Variants in CACNA1C observed in about 807,000 individuals in gnomAD.
The protein encoded by CACNA1C is calcium voltage-gated channel subunit alpha1 C, also known as voltage-dependent L-type calcium channel subunit alpha-1C.
A neutral mutation model predicts 229.0 loss-of-function variants in CACNA1C; 30 were observed. The ratio of observed to expected loss-of-function variants is 0.13; its 90% confidence interval spans 0.10 to 0.18. The LOEUF (loss-of-function observed/expected upper bound fraction) is 0.18, where lower values mean the gene tolerates loss of function less well. CACNA1C is among the 10% of genes least tolerant of loss of function. The pLI is 1.00. For synonymous variants in CACNA1C, 1,114 were observed against 1,132.5 expected (o/e 0.98, Z 0.33); for missense variants, 1,658 against 2,845.0 (o/e 0.58, Z 9.49).
At chr12:2,106,922 T>G (rs2079095098) in intron 1 of CACNA1C, among the ~76,000 whole-genome samples, 1 of 62,632 alleles carries the variant, frequency 1.6e-5, no homozygotes, top group African/African-American at 5.2e-5. Flanking sequence ...CCGGGGAGGG[T>G]TTCCACCTCA....
chr12:2,061,197 T>C (rs1172193397), intron 1 of CACNA1C, among the ~76,000 whole-genome samples: 1 of 151,638 alleles, frequency 6.6e-6, no homozygotes, highest in Non-Finnish European at 1.5e-5. Context: ...AGGGCAGCTG[T>C]GAGGATCCAA....
At chr12:2,536,162 A>G (rs2099854587) in intron 9 of CACNA1C, among the ~76,000 whole-genome samples, 1 of 152,236 alleles carries the variant, frequency 6.6e-6, no homozygotes, top group African/African-American at 2.4e-5. Flanking sequence ...CTTGCAGGAA[A>G]TCTGACCTGC....
chr12:2,317,645 A>G (rs892163872), intron 3 of CACNA1C, among the ~76,000 whole-genome samples: 1 of 152,210 alleles, frequency 6.6e-6, no homozygotes. Context: ...ATTTTAATGT[A>G]TTTTCCCACA....
At position 2,693,013 on chromosome 12, in the gene CACNA1C, G is replaced by A. The variant is rs1020866813; in HGVS notation, c.*1814G>A. On this transcript the variant is annotated 3_prime_UTR_variant, in exon 47 of 47. Transcript: ENST00000399655. ...ACAAGTTTTCTTTAGTTTGCACAATGAGCAAAGGTATCACCAGTGTAGTCA... is the reference window on the plus strand; with the variant it reads ...ACAAGTTTTCTTTAGTTTGCACAATAAGCAAAGGTATCACCAGTGTAGTCA... 1 of 152,630 alleles carries A rather than the reference G, an allele frequency of 6.6e-6. No individual in the cohort carries two copies. Among genetic ancestry groups the A allele is most frequent in the Non-Finnish European group, 1.5e-5 (1 of 68,034 alleles). The allele number at this position is 152,630 out of a possible 1,614,324, so 9.5% of individuals were successfully genotyped here.
At chr12:1,986,569 C>T (rs114711070) in intron 1 of CACNA1C, among the ~76,000 whole-genome samples, 3,162 of 152,260 alleles carry the variant, frequency 0.021, 102 homozygotes, top group African/African-American at 0.072. Context: ...TCAGCTTTCC[C>T]TGCAACTGGC....
intron 3 of CACNA1C, among the ~76,000 whole-genome samples, chr12:2,363,539 G>C (rs1001507974): frequency 6.6e-6 from 1 of 152,132 alleles, no homozygotes; most frequent in Non-Finnish European, 1.5e-5. Flanking sequence ...TCCTTCCCCA[G>C]TTTGCTGGGG....
At chr12:1,977,029 G>C (rs1476407027) in intron 1 of CACNA1C, among the ~76,000 whole-genome samples, 1 of 152,148 alleles carries the variant, frequency 6.6e-6, no homozygotes, top group Non-Finnish European at 1.5e-5. Flanking sequence ...ACAACCCTCA[G>C]TTATCTCTGG....
At chr12:2,307,948 A>G (rs150363437) in intron 3 of CACNA1C, among the ~76,000 whole-genome samples, 125 of 152,332 alleles carry the variant, frequency 8.2e-4, no homozygotes, top group Middle Eastern at 3.4e-3. Flanking sequence ...CCCAGAGATT[A>G]TGATTTAGGA....
chr12:2,667,296 T>C (rs1041563172), intron 37 of CACNA1C, among the ~76,000 whole-genome samples: 9 of 151,812 alleles, frequency 5.9e-5, no homozygotes, highest in African/African-American at 2.2e-4. Flanking sequence ...GCTCCTTTTC[T>C]CCCTCCTCTC....
chr12:2,380,109 G>A (rs2098198616), intron 3 of CACNA1C, among the ~76,000 whole-genome samples: 1 of 151,946 alleles, frequency 6.6e-6, no homozygotes, highest in Non-Finnish European at 1.5e-5. Context: ...CCACGTGATG[G>A]TCAAGTCAGC....
chr12:2,028,325 A>C (rs1192999329), intron 1 of CACNA1C, among the ~76,000 whole-genome samples: 1 of 152,166 alleles, frequency 6.6e-6, no homozygotes, highest in Admixed American at 6.5e-5. Flanking sequence ...TTTCTAAGTG[A>C]GGCTTAATCT....
intron 11 of CACNA1C, among the ~76,000 whole-genome samples, chr12:2,557,935 G>A (rs527934226): frequency 6.6e-6 from 1 of 152,326 alleles, no homozygotes; most frequent in African/African-American, 2.4e-5. Flanking sequence ...GATGTGTGCA[G>A]GGAGAATGTG....
chr12:2,573,529 A>G (rs547612642), intron 13 of CACNA1C, among the ~76,000 whole-genome samples: 1 of 152,368 alleles, frequency 6.6e-6, no homozygotes, highest in African/African-American at 2.4e-5. Flanking sequence ...GTTTATTCAG[A>G]GTAGTATAAT....
At chr12:2,418,746 T>C (rs1026736449) in intron 3 of CACNA1C, among the ~76,000 whole-genome samples, 1 of 152,100 alleles carries the variant, frequency 6.6e-6, no homozygotes, top group Non-Finnish European at 1.5e-5. Context: ...CCTGGACAAC[T>C]GGCCAGTGGA....
intron 3 of CACNA1C, among the ~76,000 whole-genome samples, chr12:2,194,791 G>GTCAC (rs1414695069): frequency 3.3e-5 from 5 of 152,284 alleles, no homozygotes; most frequent in African/African-American, 4.8e-5. Context: ...GAGGGGAGGA[G>GTCAC]TCACTGGGTT....
rs1020353782 is a variant in CACNA1C at position 2,099,661 on chromosome 12, A to G, written c.50-15563A>G. Reference sequence around the variant, plus strand: ...ACAGAATTTTGGAAAATTAATCACAAAAATACCTAGTACCATTTATTATAT... The same window carrying G: ...ACAGAATTTTGGAAAATTAATCACAGAAATACCTAGTACCATTTATTATAT... On this transcript the variant is annotated intron_variant, in intron 1 of 46. Transcript: ENST00000399655. Among the ~76,000 whole-genome samples, 9 of 152,344 alleles carry G rather than the reference A, an allele frequency of 5.9e-5. No homozygotes were observed. In the East Asian group the frequency reaches 1.5e-3, roughly 26 times the overall value.
intron 13 of CACNA1C, among the ~76,000 whole-genome samples, chr12:2,579,332 A>G (rs1045337566): frequency 6.6e-6 from 1 of 152,198 alleles, no homozygotes; most frequent in African/African-American, 2.4e-5. Context: ...TTGTGACTTC[A>G]GTGCACATGC....
At chr12:2,207,437 A>G (rs1053451868) in intron 3 of CACNA1C, among the ~76,000 whole-genome samples, 1 of 152,226 alleles carries the variant, frequency 6.6e-6, no homozygotes, top group Non-Finnish European at 1.5e-5. Flanking sequence ...TAGGAAATAC[A>G]TGATGAAGTG....
intron 3 of CACNA1C, among the ~76,000 whole-genome samples, chr12:2,184,822 CTT>C (rs1358784480): frequency 6.6e-6 from 1 of 152,168 alleles, no homozygotes; most frequent in Non-Finnish European, 1.5e-5. Context: ...GGTGCAGTCT[CTT>C]TATATATCCC....
Sources: gnomAD v4.1 joint callset for allele counts (sites outside exome capture counted in the v4.1 genomes callset) on GRCh38, gnomAD v4.1.1 for gene constraint, MANE v1.5 for transcripts, NCBI Gene and HGNC (gene_info 2026-07-23, HGNC 2026-07-21) for gene names.